KATNAL1: variants seen among roughly 807,000 people sequenced by gnomAD.
KATNAL1 encodes the protein katanin catalytic subunit A1 like 1.
In KATNAL1, 32 loss-of-function variants were observed where a neutral mutation model predicts 55.2. The observed-to-expected ratio is 0.58, with a 90% CI of 0.44 to 0.78. The LOEUF is 0.78. KATNAL1 is among the 30% of genes least tolerant of loss of function. The probability of loss-of-function intolerance (pLI) is 0.00; values close to 1 mark genes in which losing one functional copy is unlikely to be tolerated. For synonymous variants in KATNAL1, 193 were observed against 193.6 expected, an observed-to-expected ratio of 1.00 and a Z score of 0.02; for missense variants, 466 against 600.9, an observed-to-expected ratio of 0.78 and a Z score of 2.35.
chr13:30,245,485 T>C (rs1025621036), intron 4 of KATNAL1, among the ~76,000 whole-genome samples: 1 of 152,066 alleles, frequency 6.6e-6, no homozygotes, highest in African/African-American at 2.4e-5. Flanking sequence ...TCCCTTTGAA[T>C]ACTGGCACAA....
At chr13:30,304,682 T>C (rs936823162) in intron 1 of KATNAL1, among the ~76,000 whole-genome samples, 1 of 152,186 alleles carries the variant, frequency 6.6e-6, no homozygotes, top group Non-Finnish European at 1.5e-5. Flanking sequence ...TACTTATCTA[T>C]ATGCAAACTT....
chr13:30,305,562 T>A (rs1401922797), intron 1 of KATNAL1, among the ~76,000 whole-genome samples: 1 of 152,248 alleles, frequency 6.6e-6, no homozygotes, highest in Non-Finnish European at 1.5e-5. Flanking sequence ...TTACCAGCTA[T>A]GATTTTGAGC....
intron 3 of KATNAL1, among the ~76,000 whole-genome samples, chr13:30,265,817 C>T (rs1411713476): frequency 1.3e-5 from 2 of 150,938 alleles, no homozygotes; most frequent in Admixed American, 1.3e-4. Flanking sequence ...TCGAGACCAG[C>T]CTGCCCAACA....
intron 2 of KATNAL1, 45 bp from the exon 3 acceptor site, chr13:30,280,268 C>A (rs1211203841): frequency 6.9e-7 from 1 of 1,445,638 alleles, no homozygotes; most frequent in East Asian, 2.3e-5. Flanking sequence ...TGTTTAAATA[C>A]TTCATAAATT....
At chr13:30,277,888 C>G (rs1880965373) in intron 3 of KATNAL1, among the ~76,000 whole-genome samples, 1 of 140,680 alleles carries the variant, frequency 7.1e-6, no homozygotes, top group Non-Finnish European at 1.5e-5. Flanking sequence ...GAGGCTGAGG[C>G]AGGAGAATGG....
At position 30,283,686 on chromosome 13, in the gene KATNAL1, C is replaced by G; in HGVS notation, c.92G>C (p.Gly31Ala). The G allele has an allele frequency of 6.2e-7, 1 of 1,614,018 alleles. No homozygotes were observed. Among genetic ancestry groups the G allele is most frequent in the Non-Finnish European group, 8.5e-7 (1 of 1,179,986 alleles). ...ATGTCTCTGAATCTGCTGCATCACC[C>G]CCTGGTAATATACCATTGATGAGTC... ...NYDSSMVYYQ[G>A]VMQQIQRHCQ... The change falls in exon 2 of 11, where the codon GGG becomes GCG. Residue 31 changes from glycine (G) to alanine (A), a missense_variant. Transcript: ENST00000380615.
chr13:30,265,864 T>C (rs1406686314), intron 3 of KATNAL1, among the ~76,000 whole-genome samples: 1 of 151,114 alleles, frequency 6.6e-6, no homozygotes, highest in African/African-American at 2.4e-5. Context: ...TACAAAAAAT[T>C]TGCCAGGCAT....
intron 6 of KATNAL1, among the ~76,000 whole-genome samples, chr13:30,236,604 C>G (rs1213174705): frequency 6.6e-6 from 1 of 152,212 alleles, no homozygotes; most frequent in Non-Finnish European, 1.5e-5. Flanking sequence ...TCATATCCAT[C>G]TATGTCCATC....
At chr13:30,225,268 C>T (rs1292292733) in intron 9 of KATNAL1, among the ~76,000 whole-genome samples, 1 of 152,154 alleles carries the variant, frequency 6.6e-6, no homozygotes, top group Non-Finnish European at 1.5e-5. Context: ...TCCTAAGTGC[C>T]CTCCTTACTG....
At chr13:30,217,677 G>C (rs1210714025) in intron 9 of KATNAL1, among the ~76,000 whole-genome samples, 3 of 152,148 alleles carry the variant, frequency 2.0e-5, no homozygotes, top group Admixed American at 6.5e-5. Context: ...TTCTGGGCCT[G>C]CCTATCTGGG....
intron 6 of KATNAL1, among the ~76,000 whole-genome samples, 189 bp from the exon 7 acceptor site, chr13:30,231,661 A>T (rs1055145877): frequency 2.1e-4 from 32 of 152,184 alleles, no homozygotes; most frequent in Non-Finnish European, 3.8e-4. Context: ...ATTTCACAAA[A>T]TGTCTCAAGC....
intron 8 of KATNAL1, among the ~76,000 whole-genome samples, chr13:30,228,633 C>T (rs1483748290): frequency 6.6e-6 from 1 of 152,202 alleles, no homozygotes; most frequent in Non-Finnish European, 1.5e-5. Flanking sequence ...CAAAAGTTAA[C>T]ATGGTAAACT....
chr13:30,256,760 T>C (rs951049116), intron 3 of KATNAL1, among the ~76,000 whole-genome samples: 4 of 152,274 alleles, frequency 2.6e-5, no homozygotes, highest in Admixed American at 2.0e-4. Flanking sequence ...TATTTAGATG[T>C]TGGAATTAGA....
At chr13:30,221,234 C>T (rs924808652) in intron 9 of KATNAL1, among the ~76,000 whole-genome samples, 1 of 152,068 alleles carries the variant, frequency 6.6e-6, no homozygotes, top group Admixed American at 6.6e-5. Flanking sequence ...CACTTCTAGC[C>T]ATGATGAAAT....
intron 3 of KATNAL1, among the ~76,000 whole-genome samples, chr13:30,274,160 G>A (rs189395691): frequency 6.6e-6 from 1 of 152,284 alleles, no homozygotes; most frequent in African/African-American, 2.4e-5. Context: ...ATTAGTAGTG[G>A]AACTGATAGA....
At chr13:30,235,404 A>G (rs901846687) in intron 6 of KATNAL1, among the ~76,000 whole-genome samples, 1 of 152,178 alleles carries the variant, frequency 6.6e-6, no homozygotes, top group African/African-American at 2.4e-5. Context: ...ACAGAGTAAG[A>G]ACTTGCTCAT....
chr13:30,222,621 G>T (rs1044617744), intron 9 of KATNAL1, among the ~76,000 whole-genome samples: 3 of 151,804 alleles, frequency 2.0e-5, no homozygotes, highest in Admixed American at 2.0e-4. Flanking sequence ...AATATAGTCA[G>T]GTATAGCTAA....
At chr13:30,282,901 G>A (rs1379106893) in intron 2 of KATNAL1, among the ~76,000 whole-genome samples, 7 of 148,958 alleles carry the variant, frequency 4.7e-5, no homozygotes, top group Non-Finnish European at 1.0e-4. Flanking sequence ...CTTACAGTGA[G>A]CCGAGATCGC....
At chr13:30,300,929 T>C (rs949725273) in intron 1 of KATNAL1, among the ~76,000 whole-genome samples, 4 of 152,178 alleles carry the variant, frequency 2.6e-5, no homozygotes, top group African/African-American at 9.7e-5. Context: ...GATACTAATA[T>C]AGGGTTCTAA....
Sources: gnomAD v4.1 joint callset for allele counts (sites outside exome capture counted in the v4.1 genomes callset) on GRCh38, gnomAD v4.1.1 for gene constraint, MANE v1.5 for transcripts, NCBI Gene and HGNC (gene_info 2026-07-23, HGNC 2026-07-21) for gene names.